The following GRIN2A variants were observed in gnomAD, a reference collection of about 807,000 sequenced individuals.
The protein encoded by GRIN2A is glutamate receptor ionotropic, NMDA 2A.
A neutral mutation model predicts 113.4 loss-of-function variants in GRIN2A; 22 were observed. That is an observed-to-expected ratio of 0.19 (90% CI 0.14 to 0.28). GRIN2A has a LOEUF of 0.28. Among genes scored for constraint, GRIN2A ranks in the 10% least tolerant of loss-of-function variants. The pLI is 1.00. For missense variants in GRIN2A, 1,502 were observed against 1,887.0 expected, an observed-to-expected ratio of 0.80 and a Z score of 3.78; for synonymous variants, 827 against 738.4, an observed-to-expected ratio of 1.12 and a Z score of -1.94.
chr16:9,904,609 G>A (rs1294197725), intron 3 of GRIN2A, among the ~76,000 whole-genome samples: 1 of 152,162 alleles, frequency 6.6e-6, no homozygotes, highest in Non-Finnish European at 1.5e-5. Flanking sequence ...CTGGCCTCAA[G>A]TGATCTGTCC....
At chr16:9,770,184 T>G (rs747055559) in intron 11 of GRIN2A, among the ~76,000 whole-genome samples, 1 of 151,756 alleles carries the variant, frequency 6.6e-6, no homozygotes, top group Admixed American at 6.6e-5. Flanking sequence ...TAGACTATGA[T>G]TCAGCCTTTA....
intron 2 of GRIN2A, among the ~76,000 whole-genome samples, chr16:10,133,313 C>T (rs2049107265): frequency 6.6e-6 from 1 of 152,230 alleles, no homozygotes. Context: ...AAATTTTCAT[C>T]AAAATCTCAT....
At chr16:9,905,670 C>T (rs551682524) in intron 3 of GRIN2A, among the ~76,000 whole-genome samples, 1 of 152,272 alleles carries the variant, frequency 6.6e-6, no homozygotes, top group South Asian at 2.1e-4. Flanking sequence ...TATGGATATA[C>T]AATAAGCCCG....
In GRIN2A at chr16:9,907,578, G is replaced by C. The variant is rs550758271; in HGVS notation, c.1008-16478C>G. On this transcript the variant is annotated intron_variant, in intron 3 of 12. Transcript: ENST00000330684. ...GAATCTGTGTGCCAAGAATCATACA[G>C]TCATGCCTCCAACAGTCAATTTTAC... 1.1e-4 allele frequency among the ~76,000 whole-genome samples: 16 copies of C among 152,164 alleles called. No individual in the cohort carries two copies. In the South Asian group the frequency reaches 3.1e-3, roughly 30 times the overall value.
At chr16:9,923,512 A>T (rs1347192924) in intron 3 of GRIN2A, among the ~76,000 whole-genome samples, 2 of 152,018 alleles carry the variant, frequency 1.3e-5, no homozygotes, top group Non-Finnish European at 2.9e-5. Context: ...TTCTTTTGAT[A>T]AGTTGAATAT....
intron 4 of GRIN2A, among the ~76,000 whole-genome samples, chr16:9,875,367 CT>C (rs1325078434): frequency 6.6e-6 from 1 of 152,150 alleles, no homozygotes; most frequent in African/African-American, 2.4e-5. Flanking sequence ...ATTTCTCCCC[CT>C]GTTCCAAACC....
chr16:9,816,827 T>C (rs2042195631), intron 10 of GRIN2A, among the ~76,000 whole-genome samples: 1 of 152,188 alleles, frequency 6.6e-6, no homozygotes, highest in South Asian at 2.1e-4. Flanking sequence ...TCAGTGGGGC[T>C]CAGCAATCTA....
intron 2 of GRIN2A, among the ~76,000 whole-genome samples, chr16:9,961,407 A>G (rs1470954912): frequency 1.3e-5 from 2 of 152,228 alleles, no homozygotes; most frequent in East Asian, 3.8e-4. Flanking sequence ...CCACAAAAGC[A>G]TCATGCTGAA....
intron 2 of GRIN2A, among the ~76,000 whole-genome samples, chr16:9,991,449 T>C (rs904599907): frequency 6.6e-6 from 1 of 152,246 alleles, no homozygotes; most frequent in Non-Finnish European, 1.5e-5. Context: ...ATTTTTGTTA[T>C]ATGGATATAT....
intron 11 of GRIN2A, among the ~76,000 whole-genome samples, chr16:9,773,374 C>T (rs998802849): frequency 6.6e-6 from 1 of 152,134 alleles, no homozygotes; most frequent in Non-Finnish European, 1.5e-5. Flanking sequence ...CATCAAATGT[C>T]GTTTTTCCAA....
intron 4 of GRIN2A, among the ~76,000 whole-genome samples, chr16:9,882,767 G>C (rs1341939535): frequency 6.6e-6 from 1 of 152,180 alleles, no homozygotes; most frequent in Non-Finnish European, 1.5e-5. Context: ...CCTGGTAACA[G>C]AGTGAGACCA....
intron 2 of GRIN2A, among the ~76,000 whole-genome samples, chr16:10,176,878 ATG>A (rs908025609): frequency 1.3e-5 from 2 of 152,032 alleles, no homozygotes; most frequent in African/African-American, 4.8e-5. Flanking sequence ...AGTTAAAAAA[ATG>A]TGTGTGTGTG....
intron 2 of GRIN2A, among the ~76,000 whole-genome samples, chr16:10,147,455 C>CAAAAAA (rs367830700): frequency 1.1e-4 from 8 of 72,916 alleles, no homozygotes; most frequent in Admixed American, 1.9e-4. Context: ...ACTAAAAATA[C>CAAAAAA]AAAAAAAAAA....
At chr16:10,061,151 T>G (rs183779567) in intron 2 of GRIN2A, among the ~76,000 whole-genome samples, 133 of 152,268 alleles carry the variant, frequency 8.7e-4, no homozygotes, top group African/African-American at 2.9e-3. Flanking sequence ...TCCTTATTCT[T>G]GTTTCCTGCT....
chr16:9,795,758 C>T (rs569546184), intron 11 of GRIN2A, among the ~76,000 whole-genome samples: 2 of 152,200 alleles, frequency 1.3e-5, no homozygotes, highest in South Asian at 2.1e-4. Context: ...ATGAATAAAC[C>T]GAGGCTAAAA....
intron 11 of GRIN2A, among the ~76,000 whole-genome samples, chr16:9,790,648 G>T (rs909252067): frequency 2.0e-5 from 3 of 152,146 alleles, no homozygotes; most frequent in Non-Finnish European, 2.9e-5. Flanking sequence ...AGATGCCTGG[G>T]AAGACTGTCA....
At chr16:9,860,904 G>A (rs2043056370) in intron 4 of GRIN2A, among the ~76,000 whole-genome samples, 1 of 152,176 alleles carries the variant, frequency 6.6e-6, no homozygotes, top group Admixed American at 6.5e-5. Flanking sequence ...AGTTCAAGAA[G>A]TATCCGCTGA....
intron 11 of GRIN2A, among the ~76,000 whole-genome samples, chr16:9,783,164 C>T (rs1288382363): frequency 1.3e-5 from 2 of 152,132 alleles, no homozygotes; most frequent in Non-Finnish European, 2.9e-5. Flanking sequence ...TATGTACATG[C>T]AAAAGTCACC....
chr16:10,179,893 C>CCCAAAAAAAAA, intron 2 of GRIN2A, 105 bp downstream of exon 2: 10 of 719,808 alleles, frequency 1.4e-5, no homozygotes, highest in East Asian at 7.2e-5. Flanking sequence ...CCCCCACCCC[C>CCCAAAAAAAAA]ACTTCACATC....
Sources: allele counts gnomAD v4.1 joint callset (sites outside exome capture counted in the v4.1 genomes callset), GRCh38; gene constraint gnomAD v4.1.1; transcripts MANE v1.5; gene names NCBI Gene and HGNC (gene_info 2026-07-23, HGNC 2026-07-21).